Variants in PDE10A observed in about 807,000 individuals in gnomAD.
The protein encoded by PDE10A is cAMP and cAMP-inhibited cGMP 3',5'-cyclic phosphodiesterase 10A.
Under a neutral mutation model 97.7 loss-of-function variants are expected in PDE10A, and 39 were observed. The observed-to-expected ratio is 0.40, with a 90% CI of 0.31 to 0.52. PDE10A has a LOEUF of 0.52. Among genes scored for constraint, PDE10A ranks in the 20% least tolerant of loss-of-function variants. The probability of loss-of-function intolerance (pLI) is 0.56; values close to 1 mark genes in which losing one functional copy is unlikely to be tolerated. For synonymous variants in PDE10A, 371 were observed against 376.8 expected, an observed-to-expected ratio of 0.98 and a Z score of 0.18; for missense variants, 731 against 1,047.8, an observed-to-expected ratio of 0.70 and a Z score of 4.17.
intron 12 of PDE10A, among the ~76,000 whole-genome samples, chr6:165,413,998 A>C (rs1788113341): frequency 6.6e-6 from 1 of 152,178 alleles, no homozygotes; most frequent in Non-Finnish European, 1.5e-5. Flanking sequence ...CCAAAAAAAA[A>C]CGTGGATTCA....
intron 10 of PDE10A, among the ~76,000 whole-genome samples, chr6:165,420,076 C>A (rs1214775122): frequency 2.6e-5 from 4 of 152,302 alleles, no homozygotes; most frequent in African/African-American, 9.6e-5. Flanking sequence ...CTTCTCACCT[C>A]CCTTAGCCTG....
intron 18 of PDE10A, 99 bp from the exon 19 acceptor site, chr6:165,343,601 T>C (rs1782114741): frequency 4.9e-6 from 4 of 814,312 alleles, no homozygotes; most frequent in Admixed American, 1.9e-5. Context: ...TTTAAGTATG[T>C]ATTACTTCAT....
At chr6:165,489,494 T>C (rs984557537) in intron 2 of PDE10A, among the ~76,000 whole-genome samples, 1 of 151,990 alleles carries the variant, frequency 6.6e-6, no homozygotes, top group Non-Finnish European at 1.5e-5. Flanking sequence ...TCTACCCAAA[T>C]GAGAAGGAAC....
At chr6:165,741,404 T>C (rs1317839124) in intron 1 of PDE10A, among the ~76,000 whole-genome samples, 1 of 152,168 alleles carries the variant, frequency 6.6e-6, no homozygotes, top group Non-Finnish European at 1.5e-5. Flanking sequence ...AATAAAAATA[T>C]GGTAGCATTC....
rs543831655 is a variant in PDE10A, at chr6:165,342,225, T to C, written c.2895+1166A>G. Reference sequence around the variant, plus strand: ...GATATGTTGTTCTGTATTTTTGTCATAGATCTCCAAAAAAATCTTTCAATA... The same window carrying C: ...GATATGTTGTTCTGTATTTTTGTCACAGATCTCCAAAAAAATCTTTCAATA... On this transcript the variant is annotated intron_variant, in intron 19 of 21. Coordinates refer to ENST00000539869, the MANE Select transcript of PDE10A (RefSeq NM_001385079.1). Among the ~76,000 whole-genome samples, 300 of 152,310 alleles carry C rather than the reference T, an allele frequency of 2.0e-3. 2 individuals carry two copies. The highest frequency in any genetic ancestry group is 6.4e-3 in the African/African-American group (268 of 41,568).
chr6:165,765,590 G>A (rs989578125), intron 1 of PDE10A, among the ~76,000 whole-genome samples: 36 of 152,196 alleles, frequency 2.4e-4, no homozygotes, highest in African/African-American at 7.7e-4. Context: ...TGCGGGGCCC[G>A]CCAAGCCCAC....
At chr6:165,755,443 C>T (rs562255989) in intron 1 of PDE10A, among the ~76,000 whole-genome samples, 3 of 152,258 alleles carry the variant, frequency 2.0e-5, no homozygotes, top group South Asian at 4.1e-4. Flanking sequence ...ACCTGTTGGG[C>T]GAATTTCTCC....
At chr6:165,464,833 T>C (rs1291333597) in intron 3 of PDE10A, among the ~76,000 whole-genome samples, 4 of 152,216 alleles carry the variant, frequency 2.6e-5, no homozygotes, top group African/African-American at 2.4e-5. Context: ...TGTGTTTCAG[T>C]AGTGTGTTCC....
chr6:165,433,852 A>G (rs994878473), intron 6 of PDE10A, among the ~76,000 whole-genome samples: 1 of 151,752 alleles, frequency 6.6e-6, no homozygotes, highest in Non-Finnish European at 1.5e-5. Context: ...CATCTCTACT[A>G]AAAATACAAA....
intron 1 of PDE10A, among the ~76,000 whole-genome samples, chr6:165,720,897 G>C (rs1162619284): frequency 6.6e-6 from 1 of 152,226 alleles, no homozygotes; most frequent in African/African-American, 2.4e-5. Context: ...CAGAGGTCCT[G>C]AGGGTCTAAG....
upstream of PDE10A, among the ~76,000 whole-genome samples, chr6:165,663,295 C>A (rs905975271): frequency 4.6e-5 from 7 of 151,920 alleles, no homozygotes; most frequent in Non-Finnish European, 1.0e-4. Context: ...TCCGCGCCCA[C>A]GTAGCGCGCC....
At chr6:165,987,414 T>C in intron 1 of PDE10A, 1 of 294,648 alleles carries the variant, frequency 3.4e-6, no homozygotes. Flanking sequence ...CCAAAAAGGG[T>C]GGAGGGAAAG....
At chr6:165,836,965 C>A (rs893621709) in intron 1 of PDE10A, among the ~76,000 whole-genome samples, 2 of 148,412 alleles carry the variant, frequency 1.3e-5, no homozygotes, top group African/African-American at 2.5e-5. Context: ...AACCAAACAC[C>A]GCGTATTCTC....
intron 10 of PDE10A, among the ~76,000 whole-genome samples, chr6:165,423,389 C>T (rs988380052): frequency 6.6e-6 from 1 of 152,110 alleles, no homozygotes; most frequent in Non-Finnish European, 1.5e-5. Context: ...GCCACCTGGC[C>T]GCAGGGCGTC....
intron 1 of PDE10A, among the ~76,000 whole-genome samples, chr6:165,592,713 C>T (rs1027672661): frequency 6.6e-6 from 1 of 152,014 alleles, no homozygotes; most frequent in Non-Finnish European, 1.5e-5. Context: ...CAGCATCACT[C>T]GTCATTAGAG....
intron 1 of PDE10A, among the ~76,000 whole-genome samples, chr6:165,554,542 G>A (rs1474882196): frequency 1.3e-5 from 2 of 152,132 alleles, no homozygotes; most frequent in Non-Finnish European, 2.9e-5. Flanking sequence ...TAGAGAAAAG[G>A]GAACCTTTGT....
At chr6:165,699,084 T>C (rs1791507695) in intron 1 of PDE10A, among the ~76,000 whole-genome samples, 1 of 152,166 alleles carries the variant, frequency 6.6e-6, no homozygotes, top group South Asian at 2.1e-4. Context: ...TAACTATGTG[T>C]TGCATACAAG....
intron 18 of PDE10A, among the ~76,000 whole-genome samples, chr6:165,370,785 A>G (rs1278505430): frequency 1.3e-5 from 2 of 150,404 alleles, no homozygotes; most frequent in East Asian, 3.9e-4. Flanking sequence ...CATTTTTTTC[A>G]GCACGACACC....
chr6:165,779,302 CATT>C (rs79314108), intron 1 of PDE10A, among the ~76,000 whole-genome samples: 37,219 of 152,102 alleles, frequency 0.24, 5,958 homozygotes, highest in Non-Finnish European at 0.36. Flanking sequence ...AAAAACAAGT[CATT>C]GTTTAGTTTA....
Sources: gnomAD v4.1 joint callset for allele counts (sites outside exome capture counted in the v4.1 genomes callset) on GRCh38, gnomAD v4.1.1 for gene constraint, MANE v1.5 for transcripts, NCBI Gene and HGNC (gene_info 2026-07-23, HGNC 2026-07-21) for gene names.